Variants in CEP70 observed in about 807,000 individuals in gnomAD.
CEP70 encodes centrosomal protein 70.
A neutral mutation model predicts 90.9 loss-of-function variants in CEP70; 70 were observed. That is an observed-to-expected ratio of 0.77 (90% CI 0.64 to 0.94). The LOEUF (loss-of-function observed/expected upper bound fraction) is 0.94, where lower values mean the gene tolerates loss of function less well. CEP70 is among the 40% of genes least tolerant of loss of function. CEP70 has a pLI of 0.00. For missense variants in CEP70, 648 were observed against 669.0 expected (o/e 0.97, Z 0.35); for synonymous variants, 220 against 228.3 (o/e 0.96, Z 0.33).
At chr3:138,529,167 G>GAAA (rs34094770) in intron 10 of CEP70, 32 bp downstream of exon 10, 360 of 1,179,498 alleles carry the variant, frequency 3.1e-4, no homozygotes, top group East Asian at 8.5e-4. Flanking sequence ...CCTGTCTCAG[G>GAAA]AAAAAAAAAA....
At chr3:138,576,059 C>T (rs1388821132) in intron 2 of CEP70, among the ~76,000 whole-genome samples, 1 of 152,108 alleles carries the variant, frequency 6.6e-6, no homozygotes, top group Admixed American at 6.5e-5. Flanking sequence ...GGCAAAATAA[C>T]CAACTAACAT....
At chr3:138,564,069 T>C (rs931971489) in intron 6 of CEP70, among the ~76,000 whole-genome samples, 15 of 152,098 alleles carry the variant, frequency 9.9e-5, no homozygotes, top group African/African-American at 2.4e-4. Flanking sequence ...ACTATAAACA[T>C]GTCTATGCAA....
intron 6 of CEP70, among the ~76,000 whole-genome samples, chr3:138,538,099 C>T (rs998058603): frequency 2.0e-5 from 3 of 152,178 alleles, no homozygotes; most frequent in African/African-American, 7.2e-5. Flanking sequence ...GACCAACTTC[C>T]CCACTATCTT....
chr3:138,505,573 A>G, intron 12 of CEP70, 108 bp from the exon 13 acceptor site: 1 of 594,836 alleles, frequency 1.7e-6, no homozygotes, highest in East Asian at 3.5e-5. Context: ...CACATATTTC[A>G]TTAAATATAC....
intron 6 of CEP70, among the ~76,000 whole-genome samples, chr3:138,543,325 G>C (rs1048080534): frequency 7.9e-5 from 12 of 152,192 alleles, no homozygotes; most frequent in African/African-American, 2.9e-4. Context: ...CCAAAGTCTT[G>C]GGGGAACCAA....
rs1164439982 is a variant in CEP70 at position 138,571,024 on chromosome 3, A to G, written c.284+10T>C. On this transcript the variant is annotated intron_variant, in intron 5 of 17. Transcript: ENST00000264982. ...AAACAATTCAAAAGAAATCTTTTCCATTTTCTCACCTAAGCTGTTGATTAG... is the reference window on the plus strand; with the variant it reads ...AAACAATTCAAAAGAAATCTTTTCCGTTTTCTCACCTAAGCTGTTGATTAG... The G allele has an allele frequency of 3.1e-5, 47 of 1,524,744 alleles. No individual in the cohort carries two copies. The highest frequency in any genetic ancestry group is 4.1e-5 in the Non-Finnish European group (47 of 1,139,440). 94.5% of individuals were successfully genotyped at this position (1,524,744 alleles called of 1,614,324 possible). A position where few individuals can be genotyped will look rare whatever the true frequency, so the allele number is the denominator to read the frequency against.
intron 6 of CEP70, 77 bp downstream of exon 6, chr3:138,570,241 A>G (rs1294966793): frequency 1.1e-6 from 1 of 944,010 alleles, no homozygotes; most frequent in Non-Finnish European, 1.6e-6. Context: ...GAATCAAACA[A>G]CATGGAAGTC....
intron 6 of CEP70, among the ~76,000 whole-genome samples, chr3:138,553,182 CA>C (rs973535374): frequency 5.9e-4 from 86 of 145,162 alleles, no homozygotes; most frequent in Admixed American, 6.2e-4. Context: ...ATACTGCCTT[CA>C]AAAAAAAAAA....
At chr3:138,514,474 T>A (rs1274186637) in intron 11 of CEP70, among the ~76,000 whole-genome samples, 1 of 152,136 alleles carries the variant, frequency 6.6e-6, no homozygotes, top group East Asian at 1.9e-4. Context: ...CCTACGTTTG[T>A]AAAGAGAATT....
intron 2 of CEP70, among the ~76,000 whole-genome samples, chr3:138,575,840 C>G (rs1346430408): frequency 3.3e-5 from 5 of 152,152 alleles, no homozygotes; most frequent in African/African-American, 1.2e-4. Flanking sequence ...AATTTCATAT[C>G]CAGCCAAACT....
intron 11 of CEP70, among the ~76,000 whole-genome samples, chr3:138,521,657 C>T (rs565871342): frequency 3.7e-4 from 55 of 147,820 alleles, no homozygotes; most frequent in African/African-American, 1.3e-3. Flanking sequence ...GCCGCGACCC[C>T]GTCTGGGAAC....
rs2033986118 is a variant in CEP70, at chr3:138,496,868, A to G, written c.1732+1163T>C. ...GCTGAGTGTCATAATATCTGAAAGG[A>G]AGTTTCTATAGAAGCATTCTGAAAT... is the stretch of plus-strand genomic sequence containing the variant. On this transcript the variant is annotated intron_variant, in intron 17 of 17. Transcript: ENST00000264982. 3.0e-6 allele frequency: 3 copies of G among 985,522 alleles called. No homozygotes were observed. The African/African-American group carries it at 5.2e-5, about 17-fold the overall frequency. 61.0% of individuals were successfully genotyped at this position (985,522 alleles called of 1,614,324 possible).
chr3:138,504,204 A>G (rs1205025180), intron 13 of CEP70, among the ~76,000 whole-genome samples: 1 of 152,240 alleles, frequency 6.6e-6, no homozygotes, highest in Non-Finnish European at 1.5e-5. Context: ...TCTGAGATAC[A>G]GACTGGAGGA....
At chr3:138,498,984 T>G (rs2034220163) in intron 16 of CEP70, among the ~76,000 whole-genome samples, 1 of 151,228 alleles carries the variant, frequency 6.6e-6, no homozygotes, top group Non-Finnish European at 1.5e-5. Flanking sequence ...AGGCGGAGGT[T>G]GCAGTGAGCT....
chr3:138,578,214 A>G (rs2041657550), intron 2 of CEP70, among the ~76,000 whole-genome samples: 1 of 152,238 alleles, frequency 6.6e-6, no homozygotes, highest in Admixed American at 6.5e-5. Flanking sequence ...CTAACTATTT[A>G]TATCAAAAGC....
intron 2 of CEP70, 147 bp from the exon 3 acceptor site, chr3:138,573,079 C>G (rs866303887): frequency 3.3e-6 from 2 of 611,582 alleles, no homozygotes; most frequent in Non-Finnish European, 5.8e-6. Flanking sequence ...GTCATTCCTG[C>G]GTCAAAACTT....
chr3:138,582,083 G>T (rs1415774362), intron 2 of CEP70, among the ~76,000 whole-genome samples: 2 of 152,090 alleles, frequency 1.3e-5, no homozygotes, highest in African/African-American at 4.8e-5. Flanking sequence ...CACCAGACCT[G>T]GCCTACAAGA....
At chr3:138,515,045 C>A (rs188329609) in intron 11 of CEP70, among the ~76,000 whole-genome samples, 66 of 152,070 alleles carry the variant, frequency 4.3e-4, no homozygotes, top group Admixed American at 4.3e-3. Flanking sequence ...GACCGGAGCC[C>A]AAATAAACAA....
At chr3:138,581,717 AAT>A (rs2041870585) in intron 2 of CEP70, among the ~76,000 whole-genome samples, 1 of 145,408 alleles carries the variant, frequency 6.9e-6, no homozygotes, top group African/African-American at 2.5e-5. Flanking sequence ...AAAAAAAAAG[AAT>A]AAGAAAAGAA....
Sources: gnomAD v4.1 joint callset for allele counts (sites outside exome capture counted in the v4.1 genomes callset) on GRCh38, gnomAD v4.1.1 for gene constraint, MANE v1.5 for transcripts, NCBI Gene and HGNC (gene_info 2026-07-23, HGNC 2026-07-21) for gene names.